DDI2: variants seen among roughly 807,000 people sequenced by gnomAD.
DDI2 encodes protein DDI1 homolog 2.
In DDI2, 5 loss-of-function variants were observed where a neutral mutation model predicts 48.1. The ratio of observed to expected loss-of-function variants is 0.10; its 90% CI spans 0.05 to 0.22. The LOEUF is 0.22. DDI2 is among the 10% of genes least tolerant of loss of function. The pLI, the probability that DDI2 is intolerant of heterozygous loss-of-function variation, is 1.00. For synonymous variants in DDI2, 205 were observed against 183.6 expected, an observed-to-expected ratio of 1.12 and a Z score of -0.94; for missense variants, 285 against 506.2, an observed-to-expected ratio of 0.56 and a Z score of 4.19.
intron 1 of DDI2, among the ~76,000 whole-genome samples, chr1:15,621,873 T>C (rs1004383441): frequency 6.6e-6 from 1 of 152,242 alleles, no homozygotes; most frequent in Non-Finnish European, 1.5e-5. Flanking sequence ...TTCTTAGATA[T>C]GCAGTTGCCA....
chr1:15,646,474 G>A (rs1409375995), intron 6 of DDI2, among the ~76,000 whole-genome samples: 2 of 152,168 alleles, frequency 1.3e-5, no homozygotes, highest in Non-Finnish European at 2.9e-5. Context: ...ATCACCTGAG[G>A]TCAGGAGTTC....
chr1:15,633,738 G>A (rs895735738), intron 4 of DDI2, 173 bp downstream of exon 4: 8 of 948,520 alleles, frequency 8.4e-6, no homozygotes, highest in Non-Finnish European at 1.3e-5. Flanking sequence ...TATGCATTTC[G>A]ATTTGACATG....
At chr1:15,635,468 C>T (rs1019754087) in intron 4 of DDI2, among the ~76,000 whole-genome samples, 2 of 152,178 alleles carry the variant, frequency 1.3e-5, no homozygotes, top group African/African-American at 4.8e-5. Context: ...TTCAGTGGCA[C>T]GATCTCGGCT....
At chr1:15,625,601 T>C (rs1318470629) in intron 1 of DDI2, among the ~76,000 whole-genome samples, 1 of 152,176 alleles carries the variant, frequency 6.6e-6, no homozygotes, top group Non-Finnish European at 1.5e-5. Flanking sequence ...ATTTTCTTAG[T>C]TTCACTTTAT....
intron 8 of DDI2, among the ~76,000 whole-genome samples, chr1:15,653,248 G>A (rs763228821): frequency 9.3e-5 from 14 of 151,310 alleles, no homozygotes; most frequent in Admixed American, 3.3e-4. Flanking sequence ...CCTTTTCTTA[G>A]GACTGTTTTA....
chr1:15,632,040 G>A (rs1435318220), intron 3 of DDI2, among the ~76,000 whole-genome samples: 2 of 151,654 alleles, frequency 1.3e-5, no homozygotes, highest in African/African-American at 2.4e-5. Flanking sequence ...TCCTGACCTC[G>A]TGATCCACCC....
intron 6 of DDI2, among the ~76,000 whole-genome samples, chr1:15,643,966 T>G (rs1010288181): frequency 1.3e-5 from 2 of 152,204 alleles, no homozygotes; most frequent in African/African-American, 4.8e-5. Flanking sequence ...AATAACATGT[T>G]TATTTTGCTG....
chr1:15,655,224 GA>G (rs1640253158), intron 8 of DDI2, among the ~76,000 whole-genome samples: 1 of 152,180 alleles, frequency 6.6e-6, no homozygotes, highest in South Asian at 2.1e-4. Context: ...TTTAAGTAAT[GA>G]AATAATTCTA....
rs1406733493 is a variant in DDI2 at position 15,668,920 on chromosome 1, G to A, written c.*9130G>A. ...TTGAATTTTTGTCACATACTGAAAT[G>A]TAAGTCAGCCCTAAATAATCAAAAC... On this transcript the variant is annotated 3_prime_UTR_variant, in exon 10 of 10. Transcript: ENST00000480945. The A allele has an allele frequency of 1.3e-5, 2 of 152,212 alleles. No homozygotes were observed. The highest frequency in any genetic ancestry group is 2.9e-5 in the Non-Finnish European group (2 of 68,032). 9.4% of individuals were successfully genotyped at this position (152,212 alleles called of 1,614,324 possible).
chr1:15,668,913 C>T lies in DDI2; in HGVS notation c.*9123C>T, dbSNP rs1640490543. 1 of 152,214 alleles carries T rather than the reference C, an allele frequency of 6.6e-6. No individual in the cohort carries two copies. Among genetic ancestry groups the T allele is most frequent in the African/African-American group, 2.4e-5 (1 of 41,448 alleles). The allele number at this position is 152,214 out of a possible 1,614,324, so 9.4% of individuals were successfully genotyped here. A position where few individuals can be genotyped will look rare whatever the true frequency, so the allele number is the denominator to read the frequency against. On this transcript the variant is annotated 3_prime_UTR_variant, in exon 10 of 10. Transcript: ENST00000480945. Reference sequence around the variant, plus strand: ...TTTGGGTTTGAATTTTTGTCACATACTGAAATGTAAGTCAGCCCTAAATAA... The same window carrying T: ...TTTGGGTTTGAATTTTTGTCACATATTGAAATGTAAGTCAGCCCTAAATAA...
chr1:15,638,496 A>T (rs1639958490), intron 5 of DDI2, 62 bp downstream of exon 5: 6 of 1,461,988 alleles, frequency 4.1e-6, no homozygotes, highest in Non-Finnish European at 4.7e-6. Context: ...ACACGGGAGA[A>T]GGGGAGGCTC....
chr1:15,623,556 G>GCTTCTTCTTCTT (rs140856838), intron 1 of DDI2, among the ~76,000 whole-genome samples: 3,118 of 141,582 alleles, frequency 0.022, 52 homozygotes, highest in Middle Eastern at 0.045. Flanking sequence ...ACCATGCCTG[G>GCTTCTTCTTCTT]CTTATTATTA....
chr1:15,637,380 AT>A (rs61546870), intron 4 of DDI2, among the ~76,000 whole-genome samples: 33 of 151,674 alleles, frequency 2.2e-4, no homozygotes, highest in Non-Finnish European at 4.0e-4. Context: ...TGGCATGTTG[AT>A]TTTTTTTGTT....
rs1208511340 is a variant in DDI2, at chr1:15,663,304, T to C, written c.*3514T>C. ...AGCACAATCAAAATGGAGGCTCATA[T>C]CTCAGGAGTTTTTGAAATTTTAATT... On this transcript the variant is annotated 3_prime_UTR_variant, in exon 10 of 10. Transcript: ENST00000480945. 1 of 152,252 alleles carries C rather than the reference T, an allele frequency of 6.6e-6. No individual in the cohort carries two copies. The highest frequency in any genetic ancestry group is 1.5e-5 in the Non-Finnish European group (1 of 68,042). The allele number at this position is 152,252 out of a possible 1,614,324, so 9.4% of individuals were successfully genotyped here.
At position 15,660,920 on chromosome 1, in the gene DDI2, C is replaced by T; in HGVS notation, c.*1130C>T. 6.2e-7 allele frequency: 1 copy of T among 1,613,606 alleles called. No individual in the cohort carries two copies. Among genetic ancestry groups the T allele is most frequent in the Non-Finnish European group, 8.5e-7 (1 of 1,179,806 alleles). ...GAGTCAGCAGAAGAATCTTGCCCGT[C>T]TATAACGGCAGCCTTGAAAGAACTT... On this transcript the variant is annotated 3_prime_UTR_variant, in exon 10 of 10. Transcript: ENST00000480945.
In DDI2 at chr1:15,666,853, A is replaced by C. The variant is rs1640461134; in HGVS notation, c.*7063A>C. 6.6e-6 allele frequency: 1 copy of C among 152,234 alleles called. No individual in the cohort carries two copies. The highest frequency in any genetic ancestry group is 1.5e-5 in the Non-Finnish European group (1 of 68,044). 9.4% of individuals were successfully genotyped at this position (152,234 alleles called of 1,614,324 possible). ...GAGTTACCTGGTTCCACTTCAGAGC[A>C]GACTGGGAAAATCAGGCTTACAATG... is the stretch of plus-strand genomic sequence containing the variant. On this transcript the variant is annotated 3_prime_UTR_variant, in exon 10 of 10. Coordinates refer to ENST00000480945, the MANE Select transcript of DDI2 (RefSeq NM_032341.5).
At chr1:15,656,299 C>A (rs1570991289) in intron 8 of DDI2, 1 of 741,220 alleles carries the variant, frequency 1.3e-6, no homozygotes, top group Non-Finnish European at 1.8e-6. Flanking sequence ...TTTTTAATCA[C>A]CTAATTCGAT....
chr1:15,622,003 G>A (rs1025055200), intron 1 of DDI2, among the ~76,000 whole-genome samples: 1 of 152,152 alleles, frequency 6.6e-6, no homozygotes, highest in Non-Finnish European at 1.5e-5. Context: ...TTTGATTAAT[G>A]GTAATACTAT....
intron 9 of DDI2, among the ~76,000 whole-genome samples, chr1:15,657,167 ACT>A (rs1477924809): frequency 2.5e-4 from 38 of 152,316 alleles, no homozygotes; most frequent in Non-Finnish European, 2.9e-5. Context: ...GTCAGGGGTG[ACT>A]CTGAACAACA....
Sources: gnomAD v4.1 joint callset for allele counts (sites outside exome capture counted in the v4.1 genomes callset) on GRCh38, gnomAD v4.1.1 for gene constraint, MANE v1.5 for transcripts, NCBI Gene and HGNC (gene_info 2026-07-23, HGNC 2026-07-21) for gene names.